The following WDR7 variants were observed in gnomAD, a reference collection of about 807,000 sequenced individuals.
WDR7 encodes WD repeat domain 7.
Under a neutral mutation model 169.4 loss-of-function variants are expected in WDR7, and 46 were observed. That is an observed-to-expected ratio of 0.27 (90% CI 0.21 to 0.35). The LOEUF (loss-of-function observed/expected upper bound fraction) is 0.35, where lower values mean the gene tolerates loss of function less well. WDR7 is among the 10% of genes least tolerant of loss of function. WDR7 has a pLI of 1.00. For missense variants in WDR7, 1,534 were observed against 1,859.3 expected (o/e 0.83, Z 3.22); for synonymous variants, 612 against 666.8 (o/e 0.92, Z 1.27).
At chr18:56,711,841 A>G (rs187623030) in intron 12 of WDR7, among the ~76,000 whole-genome samples, 1 of 152,174 alleles carries the variant, frequency 6.6e-6, no homozygotes, top group African/African-American at 2.4e-5. Context: ...TAAATGATGC[A>G]TCTTAACTGC....
chr18:56,723,665 TTTTC>T (rs2026373459), intron 13 of WDR7, among the ~76,000 whole-genome samples: 2 of 152,204 alleles, frequency 1.3e-5, no homozygotes, highest in South Asian at 4.1e-4. Flanking sequence ...TTGATTGTGG[TTTTC>T]TTTCTATTTC....
Position 56,869,440 on chromosome 18 carries a change from A to G in WDR7, c.3305-10504A>G, listed in dbSNP as rs546323128. On this transcript the variant is annotated intron_variant, in intron 20 of 27. Transcript: ENST00000254442. The stretch of plus-strand genomic sequence containing the variant: ...TTTCAAGTGAGTGGGGAAGTAACAC[A>G]GCAGCAACACCAGCAGCAAAAGCCT... Among the ~76,000 whole-genome samples, 27 of 152,332 alleles carry G rather than the reference A, an allele frequency of 1.8e-4. 2 individuals are homozygous for G. The South Asian group carries it at 5.4e-3, about 30-fold the overall frequency.
chr18:56,687,469 C>T (rs1366276821), intron 7 of WDR7, among the ~76,000 whole-genome samples: 5 of 152,284 alleles, frequency 3.3e-5, no homozygotes, highest in Middle Eastern at 3.4e-3. Flanking sequence ...TGCTCTGTGA[C>T]TAGCACTTTT....
intron 21 of WDR7, among the ~76,000 whole-genome samples, chr18:56,885,442 T>C (rs2046173901): frequency 6.6e-6 from 1 of 151,662 alleles, no homozygotes; most frequent in Non-Finnish European, 1.5e-5. Context: ...AAATAAACAA[T>C]CACAACTTCT....
chr18:56,939,801 G>C (rs2145702307), intron 25 of WDR7, among the ~76,000 whole-genome samples: 1 of 152,064 alleles, frequency 6.6e-6, no homozygotes, highest in South Asian at 2.1e-4. Flanking sequence ...TTAATACCAA[G>C]GCCAGTCTTT....
intron 21 of WDR7, among the ~76,000 whole-genome samples, chr18:56,911,476 A>G (rs1035746526): frequency 6.6e-6 from 1 of 152,322 alleles, no homozygotes; most frequent in African/African-American, 2.4e-5. Context: ...AAGTGCTTGT[A>G]TTGAGAATGT....
chr18:56,894,127 C>G (rs963411210), intron 21 of WDR7, among the ~76,000 whole-genome samples: 5 of 151,988 alleles, frequency 3.3e-5, no homozygotes, highest in African/African-American at 1.2e-4. Context: ...ATCCCAAAGT[C>G]AGCTATTTCT....
chr18:56,869,072 T>C (rs1471290282), intron 20 of WDR7, among the ~76,000 whole-genome samples: 9 of 152,202 alleles, frequency 5.9e-5, no homozygotes, highest in Admixed American at 5.9e-4. Flanking sequence ...AAATAAGAAA[T>C]TGTTTCATGA....
intron 27 of WDR7, among the ~76,000 whole-genome samples, chr18:57,025,555 T>C (rs1477137862): frequency 6.6e-6 from 1 of 152,210 alleles, no homozygotes; most frequent in East Asian, 1.9e-4. Flanking sequence ...GAGTTAACAA[T>C]AACCATACAT....
At chr18:56,923,491 G>A (rs73958707) in intron 21 of WDR7, among the ~76,000 whole-genome samples, 6,423 of 152,224 alleles carry the variant, frequency 0.042, 180 homozygotes, top group Middle Eastern at 0.075. Context: ...TCATTGCAAC[G>A]CGCCTGTAAT....
At chr18:56,663,513 C>T (rs2024950227) in intron 1 of WDR7, among the ~76,000 whole-genome samples, 1 of 152,048 alleles carries the variant, frequency 6.6e-6, no homozygotes, top group African/African-American at 2.4e-5. Flanking sequence ...AGGGGTGAAT[C>T]ATCATGGTAT....
intron 26 of WDR7, among the ~76,000 whole-genome samples, chr18:57,016,305 A>G (rs1233580903): frequency 6.6e-6 from 1 of 152,184 alleles, no homozygotes. Context: ...TACAAAATAC[A>G]TGGGTCAGTA....
intron 21 of WDR7, 23 bp downstream of exon 21, chr18:56,880,188 C>G (rs1285721308): frequency 6.2e-7 from 1 of 1,600,802 alleles, no homozygotes; most frequent in Admixed American, 1.7e-5. Flanking sequence ...ACTTCTAATG[C>G]TGATCTGTTG....
At chr18:56,820,575 T>C (rs2045077801) in intron 20 of WDR7, among the ~76,000 whole-genome samples, 1 of 152,078 alleles carries the variant, frequency 6.6e-6, no homozygotes, top group Admixed American at 6.6e-5. Flanking sequence ...ATAATGTATT[T>C]TGCTATTCCT....
At chr18:56,785,475 T>C (rs1421230288) in intron 19 of WDR7, among the ~76,000 whole-genome samples, 1 of 152,174 alleles carries the variant, frequency 6.6e-6, no homozygotes, top group African/African-American at 2.4e-5. Context: ...CCCTAAGCAA[T>C]CTTGGCAGCT....
Position 56,980,369 on chromosome 18 carries a change from C to T in WDR7, c.4164+17840C>T, listed in dbSNP as rs1182242987. ...AGACGCTCTGGCAGTGGTGTGGAGC[C>T]GTGTGTAGAAGCCCAAGACATATGG... On this transcript the variant is annotated intron_variant, in intron 26 of 27. Transcript: ENST00000254442. Among the ~76,000 whole-genome samples the T allele has an allele frequency of 2.6e-5, 4 of 152,060 alleles. No individual in the cohort carries two copies. The East Asian group carries it at 7.7e-4, about 29-fold the overall frequency.
chr18:56,900,061 T>C (rs2046379739), intron 21 of WDR7, among the ~76,000 whole-genome samples: 1 of 40,204 alleles, frequency 2.5e-5, no homozygotes, highest in Admixed American at 3.4e-4. Context: ...GACACATATA[T>C]ATATGTGTGT....
chr18:57,022,534 A>G (rs532425937), intron 27 of WDR7, among the ~76,000 whole-genome samples: 9 of 152,354 alleles, frequency 5.9e-5, no homozygotes, highest in Non-Finnish European at 1.0e-4. Context: ...CTAAGAAAAC[A>G]TAATTTCTTA....
chr18:57,035,624 T>C, the WDR7 span: 3 of 152,172 alleles, frequency 2.0e-5, no homozygotes, highest in Non-Finnish European at 4.4e-5. Flanking sequence ...GGCACCCACA[T>C]CCCTGCAGGC....
Sources: allele counts gnomAD v4.1 joint callset (sites outside exome capture counted in the v4.1 genomes callset), GRCh38; gene constraint gnomAD v4.1.1; transcripts MANE v1.5; gene names NCBI Gene and HGNC (gene_info 2026-07-23, HGNC 2026-07-21).